Variants in ZFP42 observed in about 807,000 individuals in gnomAD.
ZFP42 encodes zinc finger protein 42 homolog.
For synonymous variants in ZFP42, 175 were observed against 144.6 expected (o/e 1.21, Z -1.51); for missense variants, 438 against 377.1 (o/e 1.16, Z -1.34).
At chr4:188,002,369 T>A (rs1394736566) in intron 3 of ZFP42, among the ~76,000 whole-genome samples, 1 of 152,214 alleles carries the variant, frequency 6.6e-6, no homozygotes, top group African/African-American at 2.4e-5. Context: ...CATACATTGC[T>A]TATTTTCTAT....
At chr4:188,000,683 C>A (rs546218477) in intron 3 of ZFP42, among the ~76,000 whole-genome samples, 1 of 152,254 alleles carries the variant, frequency 6.6e-6, no homozygotes, top group Admixed American at 6.5e-5. Context: ...CCTAATTTCA[C>A]CTTTTTAAAG....
rs767809346 is a variant in ZFP42 at position 188,003,312 on chromosome 4, G to A, written c.505G>A (p.Ala169Thr). 1.9e-6 allele frequency: 3 copies of A among 1,613,916 alleles called. No homozygotes were observed. Among genetic ancestry groups the A allele is most frequent in the African/African-American group, 2.7e-5 (2 of 74,932 alleles). ...TGACCTATCAGATCCTAAACAGCTC[G>A]CAGAATTTGCTAGAAAGAAGCCCCC... ...GIDLSDPKQL[A>T]EFARKKPPIN... Residue 169 changes from alanine to threonine, a missense_variant, in exon 4 of 4, where the codon GCA becomes ACA. Coordinates refer to ENST00000326866, the MANE Select transcript of ZFP42 (RefSeq NM_174900.5).
At position 188,003,700 on chromosome 4, in the gene ZFP42, C is replaced by A; in HGVS notation, c.893C>A (p.Thr298Lys). Residue 298 changes from threonine (T) to lysine (K), a missense_variant, in exon 4 of 4, where the codon ACG becomes AAG. By Grantham distance (78) the Thr-to-Lys change is moderately conservative. Coordinates refer to ENST00000326866, the MANE Select transcript of ZFP42 (RefSeq NM_174900.5). ...QSNNLKAHIL[T>K]HANTNKNEQE... ...AATAACCTGAAAGCCCACATCCTAA[C>A]GCATGCAAATACGAACAAGAATGAA... 1.2e-6 allele frequency: 2 copies of A among 1,613,420 alleles called. No individual in the cohort carries two copies. Among genetic ancestry groups the A allele is most frequent in the African/African-American group, 1.3e-5 (1 of 75,002 alleles).
At chr4:187,995,941 G>A (rs1448789723) in intron 1 of ZFP42, 101 bp downstream of exon 1, 1 of 152,264 alleles carries the variant, frequency 6.6e-6, no homozygotes, top group African/African-American at 2.4e-5. Flanking sequence ...AGTCAGGGAG[G>A]GGAAGCGTGT....
Position 188,004,993 on chromosome 4 carries a change from T to C in ZFP42, c.*1253T>C, listed in dbSNP as rs563805827. Reference sequence around the variant, plus strand: ...GTTAGATGTGATTATTTGATAATGTTAGTCCATTTGAATCCATTTTAGATA... The same window carrying C: ...GTTAGATGTGATTATTTGATAATGTCAGTCCATTTGAATCCATTTTAGATA... On this transcript the variant is annotated 3_prime_UTR_variant, in exon 4 of 4. Transcript: ENST00000326866. The C allele has an allele frequency of 7.5e-4, 126 of 167,216 alleles. No individual in the cohort carries two copies. Among genetic ancestry groups the C allele is most frequent in the African/African-American group, 2.3e-3 (97 of 41,576 alleles). The allele number at this position is 167,216 out of a possible 1,614,324, so 10.4% of individuals were successfully genotyped here. A position where few individuals can be genotyped will look rare whatever the true frequency, so the allele number is the denominator to read the frequency against.
intron 3 of ZFP42, among the ~76,000 whole-genome samples, chr4:188,002,022 G>A (rs922113113): frequency 6.6e-6 from 1 of 151,950 alleles, no homozygotes; most frequent in African/African-American, 2.4e-5. Context: ...ACTAAAACTA[G>A]AAAAAGTAGC....
In ZFP42 at chr4:188,002,846, C is replaced by T. The variant is rs1246097948; in HGVS notation, c.39C>T (p.His13=). ...TGAAGAAACGGGCAAAGACAAGACA[C>T]CAGAAAGGCCTGGGTGGAAGAGCCC... ...QQLKKRAKTR[H]QKGLGGRAPS... Residue 13 remains histidine (H), a synonymous_variant, in exon 4 of 4, where the codon CAC becomes CAT. Transcript: ENST00000326866. The T allele has an allele frequency of 6.2e-7, 1 of 1,614,152 alleles. No homozygotes were observed. Among genetic ancestry groups the T allele is most frequent in the Admixed American group, 1.7e-5 (1 of 60,024 alleles).
chr4:187,997,693 T>G (rs1302043381), intron 1 of ZFP42, among the ~76,000 whole-genome samples: 2 of 152,186 alleles, frequency 1.3e-5, no homozygotes, highest in Non-Finnish European at 2.9e-5. Flanking sequence ...ATATGAAGAT[T>G]TCGTCCACAT....
At position 188,003,099 on chromosome 4, in the gene ZFP42, C is replaced by T. The variant is rs1733900472; in HGVS notation, c.292C>T (p.Leu98=). The change falls in exon 4 of 4, where the codon CTA becomes TTA. Residue 98 remains leucine, a synonymous_variant. Coordinates refer to ENST00000326866, the MANE Select transcript of ZFP42 (RefSeq NM_174900.5). ...EDSLFESLEY[L]KKGSEQQLSQ... ...CTCACTTTTTGAGTCCTTGGAATAC[C>T]TAAAGAAAGGATCAGAACAACAGCT... 1 of 1,614,100 alleles carries T rather than the reference C, an allele frequency of 6.2e-7. No homozygotes were observed. The highest frequency in any genetic ancestry group is 8.5e-7 in the Non-Finnish European group (1 of 1,180,026).
At position 188,003,809 on chromosome 4, in the gene ZFP42, T is replaced by A. The variant is rs931098870; in HGVS notation, c.*69T>A. ...ACAAACATGCCTCATTGATTATTGTTTCTAGGAAGGAATTTCTAAATCAAT... is the reference window on the plus strand; with the variant it reads ...ACAAACATGCCTCATTGATTATTGTATCTAGGAAGGAATTTCTAAATCAAT... On this transcript the variant is annotated 3_prime_UTR_variant, in exon 4 of 4. Coordinates refer to ENST00000326866, the MANE Select transcript of ZFP42 (RefSeq NM_174900.5). 4.8e-6 allele frequency: 7 copies of A among 1,458,554 alleles called. No individual in the cohort carries two copies. The African/African-American group carries it at 9.9e-5, about 21-fold the overall frequency. The allele number at this position is 1,458,554 out of a possible 1,614,324, so 90.4% of individuals were successfully genotyped here. A position where few individuals can be genotyped will look rare whatever the true frequency, so the allele number is the denominator to read the frequency against.
In ZFP42 at chr4:188,003,376, G is replaced by A. The variant is rs1560916253; in HGVS notation, c.569G>A (p.Cys190Tyr). ...KEYDSLSAIACPQSGCTRKLR... is the reference protein window; with the variant it reads ...KEYDSLSAIAYPQSGCTRKLR... ...TATGACAGTCTGAGCGCAATCGCTT[G>A]TCCTCAGAGTGGATGCACTAGGAAG... Residue 190 changes from cysteine (C) to tyrosine (Y), a missense_variant, in exon 4 of 4, where the codon TGT becomes TAT. Transcript: ENST00000326866. 7.4e-6 allele frequency: 12 copies of A among 1,614,116 alleles called. No individual in the cohort carries two copies. The highest frequency in any genetic ancestry group is 1.0e-5 in the Non-Finnish European group (12 of 1,180,046).
intron 1 of ZFP42, among the ~76,000 whole-genome samples, chr4:187,996,315 T>C (rs1039436351): frequency 2.0e-5 from 3 of 150,860 alleles, no homozygotes; most frequent in Non-Finnish European, 4.4e-5. Flanking sequence ...CTTTCTTTTC[T>C]TTTTTCTTTT....
chr4:187,997,574 A>G (rs890967253), intron 1 of ZFP42, among the ~76,000 whole-genome samples: 3 of 150,346 alleles, frequency 2.0e-5, no homozygotes, highest in African/African-American at 2.5e-5. Flanking sequence ...TCAATCTGAC[A>G]TTTTTTGTTT....
In ZFP42 at chr4:188,003,369, A is replaced by G. The variant is rs138176771; in HGVS notation, c.562A>G (p.Ile188Val). 1,209 of 1,614,090 alleles carry G rather than the reference A, an allele frequency of 7.5e-4. 2 individuals carry two copies. Among genetic ancestry groups the G allele is most frequent in the Non-Finnish European group, 9.2e-4 (1,088 of 1,180,032 alleles). ...INKEYDSLSAIACPQSGCTRK... is the reference protein window; with the variant it reads ...INKEYDSLSAVACPQSGCTRK... ...TAAAGAATATGACAGTCTGAGCGCA[A>G]TCGCTTGTCCTCAGAGTGGATGCAC... Residue 188 changes from isoleucine to valine, a missense_variant, in exon 4 of 4, where the codon ATC (isoleucine) becomes GTC (valine). Physicochemically the swap from Ile to Val is conservative, Grantham distance 29 (BLOSUM62 3). Transcript: ENST00000326866.
At chr4:188,002,377 T>TC (rs1733858752) in intron 3 of ZFP42, among the ~76,000 whole-genome samples, 1 of 152,232 alleles carries the variant, frequency 6.6e-6, no homozygotes, top group African/African-American at 2.4e-5. Flanking sequence ...GCTTATTTTC[T>TC]ATGCTCATGA....
chr4:188,003,540 T>C lies in ZFP42; in HGVS notation c.733T>C (p.Phe245Leu), dbSNP rs1733930220. The C allele has an allele frequency of 6.2e-7, 1 of 1,613,712 alleles. No homozygotes were observed. The highest frequency in any genetic ancestry group is 1.1e-5 in the South Asian group (1 of 91,076). ...HFLVHTGEKP[F>L]RCTFEGCGKR... The stretch of plus-strand genomic sequence containing the variant: ...CCTGGTTCATACTGGAGAGAAGCCG[T>C]TTCGGTGCACTTTTGAAGGGTGCGG... Residue 245 changes from phenylalanine to leucine, a missense_variant, in exon 4 of 4, where the codon TTT (phenylalanine) becomes CTT (leucine). Transcript: ENST00000326866.
In ZFP42 at chr4:188,003,383, G is replaced by A; in HGVS notation, c.576G>A (p.Gln192=). ...GTCTGAGCGCAATCGCTTGTCCTCA[G>A]AGTGGATGCACTAGGAAGTTGAGGA... ...YDSLSAIACP[Q]SGCTRKLRNR... is the part of the protein sequence containing the mutation. Residue 192 remains glutamine (Q), a synonymous_variant, in exon 4 of 4, where the codon CAG becomes CAA. Coordinates refer to ENST00000326866, the MANE Select transcript of ZFP42 (RefSeq NM_174900.5). 1 of 1,614,104 alleles carries A rather than the reference G, an allele frequency of 6.2e-7. No homozygotes were observed. The highest frequency in any genetic ancestry group is 8.5e-7 in the Non-Finnish European group (1 of 1,180,028).
In ZFP42 at chr4:187,995,832, G is replaced by T. The variant is rs1169321828; in HGVS notation, c.-347G>T. The T allele has an allele frequency of 1.3e-5, 2 of 152,430 alleles. No homozygotes were observed. Among genetic ancestry groups the T allele is most frequent in the Admixed American group, 1.3e-4 (2 of 15,292 alleles). The allele number at this position is 152,430 out of a possible 1,614,324, so 9.4% of individuals were successfully genotyped here. On this transcript the variant is annotated 5_prime_UTR_variant, in exon 1 of 4. Coordinates refer to ENST00000326866, the MANE Select transcript of ZFP42 (RefSeq NM_174900.5). ...ATTGGAAATAGCAGAGTGCTTCGCG[G>T]TAACAGGGGTGAGTCTTGTTTCATG... is the stretch of plus-strand genomic sequence containing the variant.
chr4:188,002,121 G>A (rs1268412995), intron 3 of ZFP42, among the ~76,000 whole-genome samples: 1 of 152,172 alleles, frequency 6.6e-6, no homozygotes, highest in Non-Finnish European at 1.5e-5. Flanking sequence ...AGGTTGCAAT[G>A]AGCTAAGATT....
Sources: allele counts gnomAD v4.1 joint callset (sites outside exome capture counted in the v4.1 genomes callset), GRCh38; gene constraint gnomAD v4.1.1; transcripts MANE v1.5; gene names NCBI Gene and HGNC (gene_info 2026-07-23, HGNC 2026-07-21).